Variants in CARMIL2 observed in about 807,000 individuals in gnomAD.
CARMIL2 encodes the protein capping protein, Arp2/3 and myosin-I linker protein 2.
In CARMIL2, 96 loss-of-function variants were observed where a neutral mutation model predicts 173.3. That is an observed-to-expected ratio of 0.55 (90% CI 0.47 to 0.66). CARMIL2 has a LOEUF of 0.66. CARMIL2 is among the 30% of genes least tolerant of loss of function. The pLI is 0.00. For missense variants in CARMIL2, 1,771 were observed against 1,906.7 expected (o/e 0.93, Z 1.33); for synonymous variants, 830 against 817.1 (o/e 1.02, Z -0.27).
At chr16:67,654,049 A>C in intron 29 of CARMIL2, 100 bp from the exon 30 acceptor site, 2 of 737,332 alleles carry the variant, frequency 2.7e-6, no homozygotes, top group African/African-American at 2.1e-5. Context: ...CCAGTCTGGA[A>C]TCCTGGAGTT....
Position 67,648,111 on chromosome 16 carries a change from C to T in CARMIL2, c.1131C>T (p.Thr377=), listed in dbSNP as rs369718894. The T allele has an allele frequency of 8.6e-5, 138 of 1,612,728 alleles. No individual in the cohort carries two copies. Among genetic ancestry groups the T allele is most frequent in the Non-Finnish European group, 1.1e-4 (124 of 1,179,528 alleles). The change falls in exon 14 of 38, where the codon ACC becomes ACT. Residue 377 remains threonine, a synonymous_variant. Coordinates refer to ENST00000334583, the MANE Select transcript of CARMIL2 (RefSeq NM_001013838.3). The surrounding 1 kb of genome is among the most constrained non-coding windows in gnomAD (Gnocchi z 6.1). ...TGTCGTTCCTGAATCTCGCAGGCAC[C>T]GACACTGCCCTGGACACTGTGAGGG... The part of the protein sequence containing the change: ...NVLSFLNLAG[T]DTALDTVRGC...
chr16:67,654,463 A>G lies in CARMIL2; in HGVS notation c.3353A>G (p.Glu1118Gly), dbSNP rs2052795772. 1 of 1,612,926 alleles carries G rather than the reference A, an allele frequency of 6.2e-7. No homozygotes were observed. Among genetic ancestry groups the G allele is most frequent in the Admixed American group, 1.7e-5 (1 of 59,926 alleles). ...RSTRGPRTDL[E>G]TSPGAAPRTR... Reference sequence around the variant, plus strand: ...ACGCGGGGTCCACGGACTGATCTAGAGACCAGCCCTGGGGCAGCTCCCCGA... The same window carrying G: ...ACGCGGGGTCCACGGACTGATCTAGGGACCAGCCCTGGGGCAGCTCCCCGA... Residue 1118 changes from glutamate (E) to glycine (G), a missense_variant, in exon 31 of 38, where the codon GAG becomes GGG. Glu to Gly is a moderately conservative substitution (Grantham distance 98, BLOSUM62 -2). Coordinates refer to ENST00000334583, the MANE Select transcript of CARMIL2 (RefSeq NM_001013838.3).
chr16:67,649,596 G>A lies in CARMIL2; in HGVS notation c.1896G>A (p.Ala632=), dbSNP rs200887928. Residue 632 remains alanine, a synonymous_variant, in exon 20 of 38, where the codon GCG becomes GCA. Coordinates refer to ENST00000334583, the MANE Select transcript of CARMIL2 (RefSeq NM_001013838.3). This position sits in a 1 kb window ranked among gnomAD's most constrained non-coding sequence, Gnocchi z 6.7. ...CGGGCGCCAAGTTGCTGGCCAAGGCGCTGCGGGTCAACTCGAGGCTCCGGT... is the reference window on the plus strand; with the variant it reads ...CGGGCGCCAAGTTGCTGGCCAAGGCACTGCGGGTCAACTCGAGGCTCCGGT... ...GDAGAKLLAK[A]LRVNSRLRSV... The A allele has an allele frequency of 6.2e-5, 99 of 1,598,932 alleles. No homozygotes were observed. Among genetic ancestry groups the A allele is most frequent in the Middle Eastern group, 3.3e-4 (2 of 6,052 alleles).
Position 67,649,864 on chromosome 16 carries a change from G to A in CARMIL2, c.1978G>A (p.Ala660Thr), listed in dbSNP as rs1176189606. 1 of 1,612,772 alleles carries A rather than the reference G, an allele frequency of 6.2e-7. No homozygotes were observed. Among genetic ancestry groups the A allele is most frequent in the East Asian group, 2.2e-5 (1 of 44,892 alleles). The change falls in exon 21 of 38, where the codon GCG becomes ACG. Residue 660 changes from alanine to threonine, a missense_variant. Coordinates refer to ENST00000334583, the MANE Select transcript of CARMIL2 (RefSeq NM_001013838.3). The surrounding 1 kb of genome is among the most constrained non-coding windows in gnomAD (Gnocchi z 6.7). ...TTTGGGTCTGCTGGACGTGGCGCAG[G>A]CGCTGGAGCAGAACCACAGCCTGAA... ...SALGLLDVAQ[A>T]LEQNHSLKAM...
Position 67,646,596 on chromosome 16 carries a change from C to T in CARMIL2, c.466+79C>T. The T allele has an allele frequency of 6.3e-7, 1 of 1,575,332 alleles. No homozygotes were observed. The highest frequency in any genetic ancestry group is 8.7e-7 in the Non-Finnish European group (1 of 1,148,220). On this transcript the variant is annotated intron_variant, in intron 6 of 37. Coordinates refer to ENST00000334583, the MANE Select transcript of CARMIL2 (RefSeq NM_001013838.3). This position sits in a 1 kb window ranked among gnomAD's most constrained non-coding sequence, Gnocchi z 4.6. ...CCAGACCCGCAAGCTGGGGGGGCCC[C>T]AAACTGAACAGAGCCATTCAGGTCC...
Position 67,645,154 on chromosome 16 carries a change from C to G in CARMIL2, c.-93C>G, listed in dbSNP as rs2052569702. ...CGCCGCCGGAGGAGCAGGTGGCTGC[C>G]GTGCGGGTCTGGGCCCCAGGCTTCC... On this transcript the variant is annotated 5_prime_UTR_variant, in exon 1 of 38. Transcript: ENST00000334583. The G allele has an allele frequency of 6.4e-6, 6 of 931,102 alleles. No individual in the cohort carries two copies. Among genetic ancestry groups the G allele is most frequent in the Admixed American group, 2.9e-5 (1 of 34,414 alleles). The allele number at this position is 931,102 out of a possible 1,614,324, so 57.7% of individuals were successfully genotyped here.
chr16:67,647,113 C>T lies in CARMIL2; in HGVS notation c.612-3C>T. On this transcript the variant is annotated splice_polypyrimidine_tract_variant and splice_region_variant and intron_variant, in intron 8 of 37. Coordinates refer to ENST00000334583, the MANE Select transcript of CARMIL2 (RefSeq NM_001013838.3). ...TCTGCCTCTGTTCCCACCCTCCCAC[C>T]AGGGACCTGGCCTTGAGTGTGGCTG... 1 of 1,613,682 alleles carries T rather than the reference C, an allele frequency of 6.2e-7. No homozygotes were observed.
At position 67,654,092 on chromosome 16, in the gene CARMIL2, G is replaced by GC. The variant is rs1555540726; in HGVS notation, c.3121-57_3121-56insC. The GC allele has an allele frequency of 6.6e-4, 725 of 1,091,690 alleles. 1 individual carries two copies. Among genetic ancestry groups the GC allele is most frequent in the South Asian group, 1.3e-3 (83 of 62,880 alleles). 67.6% of individuals were successfully genotyped at this position (1,091,690 alleles called of 1,614,324 possible). Reference sequence around the variant, plus strand: ...CCAGGCTGCCGGCCGGGGGGGGGGGGGGGTAGAAGCCAGAGTTGCACTCAA... The same window carrying GC: ...CCAGGCTGCCGGCCGGGGGGGGGGGGCGGGTAGAAGCCAGAGTTGCACTCAA... On this transcript the variant is annotated intron_variant, in intron 29 of 37. Coordinates refer to ENST00000334583, the MANE Select transcript of CARMIL2 (RefSeq NM_001013838.3).
Position 67,651,790 on chromosome 16 carries a change from G to A in CARMIL2, c.2533G>A (p.Gly845Ser), listed in dbSNP as rs769322006. 34 of 1,609,636 alleles carry A rather than the reference G, an allele frequency of 2.1e-5. No individual in the cohort carries two copies. Among genetic ancestry groups the A allele is most frequent in the Non-Finnish European group, 6.8e-6 (8 of 1,178,676 alleles). ...AGAGGGGGTCCTGGCAGGCTCGAGG[G>A]GCCTCCCGGAGCTGCTCCCAGAGCA... ...QLEGVLAGSR[G>S]LPELLPEQLL... Residue 845 changes from glycine to serine, a missense_variant, in exon 25 of 38, where the codon GGC (glycine) becomes AGC (serine). Coordinates refer to ENST00000334583, the MANE Select transcript of CARMIL2 (RefSeq NM_001013838.3). The surrounding 1 kb of genome is among the most constrained non-coding windows in gnomAD (Gnocchi z 4.2).
rs946831077 is a variant in CARMIL2 at position 67,654,790 on chromosome 16, G to A, written c.3595G>A (p.Glu1199Lys). ...GARPDKRRPL[E>K]RGETELAPSF... ...TCTCTGTCCCTAGCGGCGGCCCCTG[G>A]AGCGGGGAGAAACAGAACTGGCTCC... Residue 1199 changes from glutamate to lysine, a missense_variant, in exon 32 of 38, where the codon GAG becomes AAG. Physicochemically the swap from Glu to Lys is moderately conservative, Grantham distance 56. Coordinates refer to ENST00000334583, the MANE Select transcript of CARMIL2 (RefSeq NM_001013838.3). 8.1e-6 allele frequency: 13 copies of A among 1,613,242 alleles called. No homozygotes were observed. Among genetic ancestry groups the A allele is most frequent in the Non-Finnish European group, 1.1e-5 (13 of 1,179,894 alleles).
Position 67,648,564 on chromosome 16 carries a change from C to T in CARMIL2, c.1439+62C>T, listed in dbSNP as rs2052647380. On this transcript the variant is annotated intron_variant, in intron 15 of 37. Coordinates refer to ENST00000334583, the MANE Select transcript of CARMIL2 (RefSeq NM_001013838.3). This position sits in a 1 kb window ranked among gnomAD's most constrained non-coding sequence, Gnocchi z 6.1. ...TCCCACCCTGCCCTGGCCTTCGCCC[C>T]TCCCCGCTCCTGCTTCTGTCGCTCC... The T allele has an allele frequency of 2.0e-6, 3 of 1,470,190 alleles. No homozygotes were observed. The highest frequency in any genetic ancestry group is 2.5e-5 in the East Asian group (1 of 40,228). The allele number at this position is 1,470,190 out of a possible 1,614,324, so 91.1% of individuals were successfully genotyped here.
Position 67,645,181 on chromosome 16 carries a change from G to C in CARMIL2, c.-66G>C, listed in dbSNP as rs2052570262. On this transcript the variant is annotated 5_prime_UTR_variant, in exon 1 of 38. Coordinates refer to ENST00000334583, the MANE Select transcript of CARMIL2 (RefSeq NM_001013838.3). ...TGCGGGTCTGGGCCCCAGGCTTCCTGTGTGCGCGCTCGTCCTCTGCTGTTT... is the reference window on the plus strand; with the variant it reads ...TGCGGGTCTGGGCCCCAGGCTTCCTCTGTGCGCGCTCGTCCTCTGCTGTTT... 6 of 1,343,418 alleles carry C rather than the reference G, an allele frequency of 4.5e-6. No homozygotes were observed. Among genetic ancestry groups the C allele is most frequent in the Middle Eastern group, 4.1e-4 (2 of 4,932 alleles). The allele number at this position is 1,343,418 out of a possible 1,614,324, so 83.2% of individuals were successfully genotyped here.
At chr16:67,645,985 G>A in intron 3 of CARMIL2, 33 bp from the exon 4 acceptor site, 2 of 1,612,550 alleles carry the variant, frequency 1.2e-6, no homozygotes, top group Non-Finnish European at 1.7e-6. Flanking sequence ...CGGGGCTGGG[G>A]GCTTGGTCCC....
In CARMIL2 at chr16:67,649,915, G is replaced by A. The variant is rs1024063300; in HGVS notation, c.2029G>A (p.Val677Met). Residue 677 changes from valine to methionine, a missense_variant, in exon 21 of 38, where the codon GTG becomes ATG. Coordinates refer to ENST00000334583, the MANE Select transcript of CARMIL2 (RefSeq NM_001013838.3). The surrounding 1 kb of genome is among the most constrained non-coding windows in gnomAD (Gnocchi z 6.7). ...GGCCATGCCTCTGCCACTGAACGAC[G>A]TGGCCCAGGCGCAGCGCAGCCGCCC... The part of the protein sequence containing the change: ...LKAMPLPLND[V>M]AQAQRSRPEL... 1.2e-6 allele frequency: 2 copies of A among 1,613,066 alleles called. No homozygotes were observed. The highest frequency in any genetic ancestry group is 1.7e-6 in the Non-Finnish European group (2 of 1,179,852).
chr16:67,648,491 C>A lies in CARMIL2; in HGVS notation c.1428C>A (p.Pro476=). 2.1e-6 allele frequency: 3 copies of A among 1,436,296 alleles called. No homozygotes were observed. Among genetic ancestry groups the A allele is most frequent in the Non-Finnish European group, 2.7e-6 (3 of 1,101,752 alleles). 89.0% of individuals were successfully genotyped at this position (1,436,296 alleles called of 1,614,324 possible). The stretch of plus-strand genomic sequence containing the variant: ...GCCTGGCGGGCTGCAAGCTGCCGCC[C>A]GACGCGCTCAGGTCAGTGTCGGACC... ...HLGLAGCKLP[P]DALRALLDGL... is the part of the protein sequence containing the mutation. Residue 476 remains proline (P), a synonymous_variant, in exon 15 of 38, where the codon CCC becomes CCA. Coordinates refer to ENST00000334583, the MANE Select transcript of CARMIL2 (RefSeq NM_001013838.3). The surrounding 1 kb of genome is among the most constrained non-coding windows in gnomAD (Gnocchi z 6.1).
At chr16:67,650,455 T>G (rs1350806621) in intron 22 of CARMIL2, 2 of 437,936 alleles carry the variant, frequency 4.6e-6, no homozygotes, top group African/African-American at 4.0e-5. Flanking sequence ...TATACGTGAC[T>G]CCCCTCCCCT....
Position 67,653,100 on chromosome 16 carries a change from G to A in CARMIL2, c.2966G>A (p.Arg989His). ...DAEPQAGPSA[R>H]GSPSPAAPGP... The stretch of plus-strand genomic sequence containing the variant: ...GAGCCGCAGGCGGGGCCGTCCGCGC[G>A]CGGCTCTCCGAGCCCTGCCGCCCCT... The change falls in exon 29 of 38, where the codon CGC becomes CAC. Residue 989 changes from arginine to histidine, a missense_variant. Around this residue, in one of 3 missense-constraint regions of CARMIL2, gnomAD observed 817 missense variants for 903.5 expected, o/e 0.90. Coordinates refer to ENST00000334583, the MANE Select transcript of CARMIL2 (RefSeq NM_001013838.3). This position sits in a 1 kb window ranked among gnomAD's most constrained non-coding sequence, Gnocchi z 7.4. 1 of 1,179,802 alleles carries A rather than the reference G, an allele frequency of 8.5e-7. No homozygotes were observed. Among genetic ancestry groups the A allele is most frequent in the Non-Finnish European group, 1.1e-6 (1 of 949,112 alleles). 73.1% of individuals were successfully genotyped at this position (1,179,802 alleles called of 1,614,324 possible).
At position 67,647,960 on chromosome 16, in the gene CARMIL2, T is replaced by A. The variant is rs1176351938; in HGVS notation, c.1071+2T>A. Reference sequence around the variant, plus strand: ...CTGGGGGCCTCCGAGGACAGTGGGGTGAGTGGCTGTCTTCAGGGTGGGAGC... The same window carrying A: ...CTGGGGGCCTCCGAGGACAGTGGGGAGAGTGGCTGTCTTCAGGGTGGGAGC... On this transcript the variant is annotated splice_donor_variant, in intron 13 of 37. Transcript: ENST00000334583. LOFTEE classifies it high-confidence loss of function. 6.2e-7 allele frequency: 1 copy of A among 1,605,486 alleles called. No homozygotes were observed. Among genetic ancestry groups the A allele is most frequent in the Non-Finnish European group, 8.5e-7 (1 of 1,175,758 alleles).
In CARMIL2 at chr16:67,654,146, C is replaced by T. The variant is rs764376703; in HGVS notation, c.3121-3C>T. On this transcript the variant is annotated splice_region_variant and splice_polypyrimidine_tract_variant and intron_variant, in intron 29 of 37. Coordinates refer to ENST00000334583, the MANE Select transcript of CARMIL2 (RefSeq NM_001013838.3). ...TGACCCCTGACCCCATGATGCCCCC[C>T]AGGTACCCCCAGCCTTGCCGCAGGA... 2.6e-6 allele frequency: 4 copies of T among 1,551,436 alleles called. No homozygotes were observed. In the South Asian group the frequency reaches 4.8e-5, roughly 18 times the overall value.
Sources: gnomAD v4.1 joint callset for allele counts on GRCh38, gnomAD v4.1.1 for gene constraint, gnomAD v4.1.1 regional missense constraint, Gnocchi (gnomAD v3.1) non-coding constraint, MANE v1.5 for transcripts, NCBI Gene and HGNC (gene_info 2026-07-23, HGNC 2026-07-21) for gene names.